The following PPP2R2B variants were observed in gnomAD, a reference collection of about 807,000 sequenced individuals.
PPP2R2B encodes the protein protein phosphatase 2 regulatory subunit Bbeta, also known as serine/threonine-protein phosphatase 2A 55 kDa regulatory subunit B beta isoform.
PPP2R2B carries 5 observed loss-of-function variants against 46.0 expected under a neutral mutation model. That is an observed-to-expected ratio of 0.11 (90% CI 0.06 to 0.23). The LOEUF (loss-of-function observed/expected upper bound fraction) is 0.23. PPP2R2B is among the 10% of genes least tolerant of loss of function. The pLI, the probability that PPP2R2B is intolerant of heterozygous loss-of-function variation, is 1.00. For synonymous variants in PPP2R2B, 215 were observed against 206.7 expected, an observed-to-expected ratio of 1.04 and a Z score of -0.34; for missense variants, 367 against 575.0, an observed-to-expected ratio of 0.64 and a Z score of 3.70.
intron 2 of PPP2R2B, among the ~76,000 whole-genome samples, chr5:146,745,503 G>C (rs1468151659): frequency 6.6e-6 from 1 of 152,208 alleles, no homozygotes; most frequent in East Asian, 1.9e-4. Flanking sequence ...ATAGGGATAA[G>C]AGAAAAATCT....
intron 2 of PPP2R2B, among the ~76,000 whole-genome samples, chr5:146,798,437 T>C (rs1756671495): frequency 6.6e-6 from 1 of 152,194 alleles, no homozygotes; most frequent in South Asian, 2.1e-4. Context: ...AGATGATTTA[T>C]ACCCATTGAT....
intron 5 of PPP2R2B, among the ~76,000 whole-genome samples, chr5:146,661,966 G>A (rs1776703964): frequency 6.6e-6 from 1 of 152,144 alleles, no homozygotes; most frequent in Admixed American, 6.6e-5. Context: ...GATTGGGAGA[G>A]GCGGTGGTTT....
chr5:146,602,410 T>C (rs763987354), intron 7 of PPP2R2B, among the ~76,000 whole-genome samples: 1 of 152,198 alleles, frequency 6.6e-6, no homozygotes, highest in South Asian at 2.1e-4. Context: ...TTAGCATGTA[T>C]AGTATTCAGC....
intron 2 of PPP2R2B, among the ~76,000 whole-genome samples, chr5:146,857,364 TC>T (rs1329785467): frequency 6.6e-6 from 1 of 152,186 alleles, no homozygotes; most frequent in African/African-American, 2.4e-5. Flanking sequence ...ATGGGAAGCT[TC>T]AACATACCAC....
chr5:146,878,235 A>C lies in PPP2R2B; in HGVS notation c.-124-40T>G. On this transcript the variant is annotated intron_variant, in intron 1 of 9. Coordinates refer to ENST00000394411, the MANE Select transcript of PPP2R2B (RefSeq NM_181675.4). The surrounding 1 kb of genome is among the most constrained non-coding windows in gnomAD (Gnocchi z 4.5). The stretch of plus-strand genomic sequence containing the variant: ...GGGAGGCGGAGAGAAAAAAAATAAA[A>C]ACCCGGCAATGGAGCTGTCACCTCC... The C allele has an allele frequency of 6.6e-7, 1 of 1,526,630 alleles. No individual in the cohort carries two copies. The highest frequency in any genetic ancestry group is 8.8e-7 in the Non-Finnish European group (1 of 1,138,194). The allele number at this position is 1,526,630 out of a possible 1,614,324, so 94.6% of individuals were successfully genotyped here. A position where few individuals can be genotyped will look rare whatever the true frequency, so the allele number is the denominator to read the frequency against.
chr5:146,667,821 T>C (rs1777100603), intron 5 of PPP2R2B, among the ~76,000 whole-genome samples: 1 of 152,168 alleles, frequency 6.6e-6, no homozygotes, highest in Admixed American at 6.6e-5. Context: ...TTTACCAGTC[T>C]GAATATGGCC....
chr5:146,648,682 A>G (rs879814865), intron 6 of PPP2R2B, among the ~76,000 whole-genome samples: 6 of 152,230 alleles, frequency 3.9e-5, no homozygotes, highest in Non-Finnish European at 7.3e-5. Flanking sequence ...GGATAGTGTT[A>G]TTGGTAGCTA....
At chr5:146,714,192 C>G (rs1780362439) in intron 2 of PPP2R2B, among the ~76,000 whole-genome samples, 3 of 152,212 alleles carry the variant, frequency 2.0e-5, no homozygotes, top group South Asian at 4.2e-4. Context: ...AGACAAGTGA[C>G]CAACCATGTC....
intron 1 of PPP2R2B, among the ~76,000 whole-genome samples, chr5:146,933,517 T>C (rs913922056): frequency 6.6e-6 from 1 of 152,126 alleles, no homozygotes; most frequent in Non-Finnish European, 1.5e-5. Flanking sequence ...AAATAAAACC[T>C]ATTATCAACC....
intron 1 of PPP2R2B, among the ~76,000 whole-genome samples, chr5:146,887,157 T>C (rs976191742): frequency 6.6e-6 from 1 of 152,132 alleles, no homozygotes; most frequent in African/African-American, 2.4e-5. Context: ...AATTTCAACA[T>C]ATAATCAATA....
chr5:147,041,017 A>G (rs1756269461), intron 1 of PPP2R2B, among the ~76,000 whole-genome samples: 1 of 152,108 alleles, frequency 6.6e-6, no homozygotes, highest in South Asian at 2.1e-4. Flanking sequence ...GTTCTAAGGT[A>G]TTCCCAGGAA....
At chr5:146,986,360 A>G (rs913903448) in intron 1 of PPP2R2B, among the ~76,000 whole-genome samples, 7 of 152,196 alleles carry the variant, frequency 4.6e-5, no homozygotes, top group Non-Finnish European at 7.3e-5. Flanking sequence ...ATCCCTGGCT[A>G]AAATGGAATC....
chr5:146,767,735 C>T (rs1754576717), intron 2 of PPP2R2B, among the ~76,000 whole-genome samples: 1 of 152,162 alleles, frequency 6.6e-6, no homozygotes, highest in Admixed American at 6.5e-5. Flanking sequence ...TCTGTTGACA[C>T]ATCATTATCA....
At chr5:146,786,846 C>T (rs764571938) in intron 2 of PPP2R2B, among the ~76,000 whole-genome samples, 3 of 152,264 alleles carry the variant, frequency 2.0e-5, no homozygotes, top group East Asian at 1.9e-4. Flanking sequence ...AAAGGTGAGG[C>T]CTGTAAAATT....
At chr5:146,651,410 T>C (rs1232675944) in intron 5 of PPP2R2B, among the ~76,000 whole-genome samples, 2 of 152,226 alleles carry the variant, frequency 1.3e-5, no homozygotes. Flanking sequence ...TACTGATACA[T>C]AAATACTTCT....
At chr5:146,974,676 G>A (rs1259129110) in intron 1 of PPP2R2B, among the ~76,000 whole-genome samples, 5 of 150,842 alleles carry the variant, frequency 3.3e-5, no homozygotes, top group Admixed American at 6.7e-5. Context: ...AAATGTGTAT[G>A]GTGAAATAAA....
In PPP2R2B at chr5:146,636,682, G is replaced by A. The variant is rs111753918; in HGVS notation, c.790+1569C>T. The stretch of plus-strand genomic sequence containing the variant: ...GGATACTATGGGAACCAGACTCTGG[G>A]TATAATATAAGTACTCACTGAATGC... On this transcript the variant is annotated intron_variant, in intron 7 of 9. Coordinates refer to ENST00000394411, the MANE Select transcript of PPP2R2B (RefSeq NM_181675.4). 8.5e-5 allele frequency among the ~76,000 whole-genome samples: 13 copies of A among 152,292 alleles called. 3 individuals are homozygous for A. Among genetic ancestry groups the A allele is most frequent in the African/African-American group, 2.6e-4 (11 of 41,556 alleles).
At chr5:146,627,981 A>G (rs1774174427) in intron 7 of PPP2R2B, among the ~76,000 whole-genome samples, 1 of 151,032 alleles carries the variant, frequency 6.6e-6, no homozygotes, top group African/African-American at 2.4e-5. Flanking sequence ...GTCTCGCTCT[A>G]TTGCCCAGGC....
chr5:146,597,111 C>T (rs987109828), intron 8 of PPP2R2B, among the ~76,000 whole-genome samples: 2 of 152,196 alleles, frequency 1.3e-5, no homozygotes, highest in African/African-American at 4.8e-5. Flanking sequence ...ACTAAGCTTC[C>T]TGCTACCTGT....
Sources: gnomAD v4.1 joint callset for allele counts (sites outside exome capture counted in the v4.1 genomes callset) on GRCh38, gnomAD v4.1.1 for gene constraint, Gnocchi (gnomAD v3.1) non-coding constraint, MANE v1.5 for transcripts, NCBI Gene and HGNC (gene_info 2026-07-23, HGNC 2026-07-21) for gene names.